BCO1: variants seen among roughly 807,000 people sequenced by gnomAD.
BCO1 encodes beta-carotene oxygenase 1.
In BCO1, 54 loss-of-function variants were observed where a neutral mutation model predicts 56.3. The ratio of observed to expected loss-of-function variants is 0.96; its 90% CI spans 0.77 to 1.20. The LOEUF is 1.20. Ranked by LOEUF, BCO1 falls within the 50% of genes most tolerant of loss-of-function variation. The pLI, the probability that BCO1 is intolerant of heterozygous loss-of-function variation, is 0.00. For synonymous variants in BCO1, 318 were observed against 266.1 expected, an observed-to-expected ratio of 1.20 and a Z score of -1.90; for missense variants, 801 against 690.9, an observed-to-expected ratio of 1.16 and a Z score of -1.79.
rs145127976 is a variant in BCO1 at position 81,264,674 on chromosome 16, C to G, written c.506C>G (p.Ala169Gly). 4 of 1,614,124 alleles carry G rather than the reference C, an allele frequency of 2.5e-6. No homozygotes were observed. The highest frequency in any genetic ancestry group is 3.4e-6 in the Non-Finnish European group (4 of 1,179,998). The change falls in exon 5 of 11, where the codon GCA becomes GGA. Residue 169 changes from alanine (A) to glycine (G), a missense_variant. Physicochemically the swap from Ala to Gly is moderately conservative, Grantham distance 60 (BLOSUM62 0). Coordinates refer to ENST00000258168, the MANE Select transcript of BCO1 (RefSeq NM_017429.3). ...CGTAAATACGTGGCGGTAAATCTGG[C>G]AACGTCACATCCCCATTATGATGAG... The part of the protein sequence containing the change: ...DYRKYVAVNL[A>G]TSHPHYDEAG...
intron 7 of BCO1, 69 bp from the exon 8 acceptor site, chr16:81,280,788 A>G (rs1363633878): frequency 1.6e-5 from 18 of 1,132,172 alleles, no homozygotes; most frequent in African/African-American, 1.5e-4. Flanking sequence ...AAAAATATAT[A>G]CACTAAAGCA....
chr16:81,248,791 C>T (rs1391328940), intron 2 of BCO1, among the ~76,000 whole-genome samples: 1 of 152,102 alleles, frequency 6.6e-6, no homozygotes, highest in Non-Finnish European at 1.5e-5. Context: ...GTGGGCAGAT[C>T]ACCTGAAGTC....
chr16:81,257,399 G>C (rs752505453), intron 2 of BCO1, among the ~76,000 whole-genome samples: 20 of 151,828 alleles, frequency 1.3e-4, no homozygotes, highest in Non-Finnish European at 2.5e-4. Flanking sequence ...TGAGTAGCTG[G>C]GATTACAAGG....
intron 7 of BCO1, among the ~76,000 whole-genome samples, chr16:81,278,144 C>T (rs1486897955): frequency 2.0e-5 from 3 of 152,116 alleles, no homozygotes; most frequent in Admixed American, 6.6e-5. Context: ...CAGGTTCAAG[C>T]GATTCTCCTG....
chr16:81,264,746 A>T lies in BCO1; in HGVS notation c.578A>T (p.Lys193Met). 3 of 1,614,226 alleles carry T rather than the reference A, an allele frequency of 1.9e-6. No individual in the cohort carries two copies. Among genetic ancestry groups the T allele is most frequent in the Non-Finnish European group, 2.5e-6 (3 of 1,180,046 alleles). The change falls in exon 5 of 11, where the codon AAG becomes ATG. Residue 193 changes from lysine to methionine, a missense_variant. Coordinates refer to ENST00000258168, the MANE Select transcript of BCO1 (RefSeq NM_017429.3). ...NMGTSIVEKG[K>M]TKYVIFKIPA... ...GGCACATCCATTGTGGAAAAGGGGA[A>T]GACAAAGTATGTGATTTTTAAGATC...
rs746609569 is a variant in BCO1, at chr16:81,268,054, G to T, written c.766G>T (p.Asp256Tyr). Residue 256 changes from aspartate to tyrosine, a missense_variant, in exon 6 of 11, where the codon GAT (aspartate) becomes TAT (tyrosine). Transcript: ENST00000258168. ...CTTCCTTGAGCAGCCTTTCAGGTTGGATATTCTCAAGATGGCAACCGCATA... is the reference window on the plus strand; with the variant it reads ...CTTCCTTGAGCAGCCTTTCAGGTTGTATATTCTCAAGATGGCAACCGCATA... ...VIFLEQPFRL[D>Y]ILKMATAYIR... 2 of 1,613,374 alleles carry T rather than the reference G, an allele frequency of 1.2e-6. No homozygotes were observed. Among genetic ancestry groups the T allele is most frequent in the African/African-American group, 2.7e-5 (2 of 74,858 alleles).
In BCO1 at chr16:81,274,129, C is replaced by T. The variant is rs530447677; in HGVS notation, c.1101+3713C>T. 8.5e-5 allele frequency among the ~76,000 whole-genome samples: 13 copies of T among 152,256 alleles called. No homozygotes were observed. The South Asian group carries it at 2.7e-3, about 32-fold the overall frequency. On this transcript the variant is annotated intron_variant, in intron 7 of 10. Transcript: ENST00000258168. ...AGTAAGTCTCAAGGCTGACCTCAGC[C>T]TAGGGATAGTACACAGAGAGGAACA...
At chr16:81,259,563 T>A in intron 2 of BCO1, 113 bp from the exon 3 acceptor site, 1 of 1,247,868 alleles carries the variant, frequency 8.0e-7, no homozygotes, top group Non-Finnish European at 1.2e-6. Context: ...AAGGAGCTTG[T>A]CCTAGTGAAA....
intron 7 of BCO1, among the ~76,000 whole-genome samples, chr16:81,278,949 C>G (rs930910975): frequency 4.6e-5 from 7 of 151,548 alleles, no homozygotes; most frequent in Non-Finnish European, 8.8e-5. Flanking sequence ...AACAAAAATG[C>G]TGCTATCCCT....
chr16:81,244,239 T>G (rs1905267313), intron 1 of BCO1, among the ~76,000 whole-genome samples: 1 of 152,196 alleles, frequency 6.6e-6, no homozygotes, highest in Non-Finnish European at 1.5e-5. Context: ...GCACCCTGCC[T>G]CTAGAGCAGG....
intron 1 of BCO1, among the ~76,000 whole-genome samples, chr16:81,241,739 C>G (rs895902823): frequency 6.6e-6 from 1 of 152,192 alleles, no homozygotes; most frequent in Non-Finnish European, 1.5e-5. Flanking sequence ...GAACAGGCCT[C>G]CTGACTCTCC....
intron 7 of BCO1, among the ~76,000 whole-genome samples, chr16:81,278,020 G>A (rs1013053942): frequency 6.6e-6 from 1 of 152,058 alleles, no homozygotes; most frequent in Non-Finnish European, 1.5e-5. Context: ...TGGAGGTGGA[G>A]GCATTGAAAG....
chr16:81,248,543 G>A (rs576990442), intron 2 of BCO1, among the ~76,000 whole-genome samples: 39 of 152,208 alleles, frequency 2.6e-4, no homozygotes, highest in South Asian at 1.9e-3. Context: ...GGTGAAAAGC[G>A]CGAGCTCTGA....
chr16:81,280,538 AG>A (rs1907819926), intron 7 of BCO1, among the ~76,000 whole-genome samples: 2 of 152,160 alleles, frequency 1.3e-5, no homozygotes, highest in Admixed American at 6.6e-5. Flanking sequence ...TGAATCATCT[AG>A]TACTTTAAAA....
At chr16:81,279,104 C>T (rs1466369492) in intron 7 of BCO1, among the ~76,000 whole-genome samples, 1 of 151,510 alleles carries the variant, frequency 6.6e-6, no homozygotes, top group South Asian at 2.1e-4. Context: ...TAGTGAGACC[C>T]TGTCTCTACA....
intron 2 of BCO1, among the ~76,000 whole-genome samples, chr16:81,258,523 C>T (rs1183045841): frequency 6.6e-6 from 1 of 152,196 alleles, no homozygotes; most frequent in Middle Eastern, 3.2e-3. Flanking sequence ...GAACGGGGCC[C>T]TGGGGAAAAC....
intron 7 of BCO1, among the ~76,000 whole-genome samples, chr16:81,277,836 T>C (rs1907647082): frequency 1.3e-5 from 2 of 152,162 alleles, no homozygotes; most frequent in Admixed American, 6.5e-5. Context: ...TTGCTGTGTG[T>C]GGAAAAATTC....
intron 8 of BCO1, among the ~76,000 whole-genome samples, chr16:81,283,362 G>A (rs1162114161): frequency 6.6e-6 from 1 of 151,968 alleles, no homozygotes; most frequent in Non-Finnish European, 1.5e-5. Context: ...AGCTGAGACA[G>A]GTGGGGCATC....
intron 10 of BCO1, among the ~76,000 whole-genome samples, chr16:81,289,161 C>T (rs369845649): frequency 2.6e-4 from 39 of 152,190 alleles, no homozygotes; most frequent in African/African-American, 8.4e-4. Context: ...CTCAACGATG[C>T]TCAACTGCTC....
Sources: allele counts gnomAD v4.1 joint callset (sites outside exome capture counted in the v4.1 genomes callset), GRCh38; gene constraint gnomAD v4.1.1; transcripts MANE v1.5; gene names NCBI Gene and HGNC (gene_info 2026-07-23, HGNC 2026-07-21).